Variants in CYP3A4 observed in about 807,000 individuals in gnomAD.
The protein encoded by CYP3A4 is cytochrome P450 family 3 subfamily A member 4.
A neutral mutation model predicts 54.9 loss-of-function variants in CYP3A4; 41 were observed. The ratio of observed to expected loss-of-function variants is 0.75; its 90% CI spans 0.58 to 0.97. CYP3A4 has a LOEUF of 0.97. CYP3A4 is among the 50% of genes least tolerant of loss of function. The pLI is 0.00. For synonymous variants in CYP3A4, 179 were observed against 205.2 expected, an observed-to-expected ratio of 0.87 and a Z score of 1.09; for missense variants, 510 against 597.3, an observed-to-expected ratio of 0.85 and a Z score of 1.52.
intron 12 of CYP3A4, 76 bp downstream of exon 12, chr7:99,760,743 T>C: frequency 6.5e-7 from 1 of 1,537,984 alleles, no homozygotes; most frequent in Non-Finnish European, 8.9e-7. Context: ...AACAAGCATA[T>C]TCTTTTTAAA....
chr7:99,766,350 A>G (rs1202233056), intron 9 of CYP3A4, 27 bp downstream of exon 9: 1 of 1,611,712 alleles, frequency 6.2e-7, no homozygotes, highest in Middle Eastern at 1.7e-4. Flanking sequence ...GTGCCCCACA[A>G]GTAGCCCTCA....
At chr7:99,761,614 TTGTC>T (rs1364086053) in intron 11 of CYP3A4, among the ~76,000 whole-genome samples, 1 of 152,226 alleles carries the variant, frequency 6.6e-6, no homozygotes, top group African/African-American at 2.4e-5. Flanking sequence ...ACTGCTTTCT[TTGTC>T]TATCTGTTCC....
At position 99,779,937 on chromosome 7, in the gene CYP3A4, C is replaced by A. The variant is rs937330886; in HGVS notation, c.165+55G>T. 25 of 1,527,734 alleles carry A rather than the reference C, an allele frequency of 1.6e-5. No homozygotes were observed. In the African/African-American group the frequency reaches 3.3e-4, roughly 20 times the overall value. The allele number at this position is 1,527,734 out of a possible 1,614,324, so 94.6% of individuals were successfully genotyped here. A position where few individuals can be genotyped will look rare whatever the true frequency, so the allele number is the denominator to read the frequency against. ...AGGAGAAGCATTTTTACTGATGGAACTAAGCTGCTCTTGGCAATCATAAGA... is the reference window on the plus strand; with the variant it reads ...AGGAGAAGCATTTTTACTGATGGAAATAAGCTGCTCTTGGCAATCATAAGA... On this transcript the variant is annotated intron_variant, in intron 2 of 12. Transcript: ENST00000651514.
intron 2 of CYP3A4, 116 bp downstream of exon 2, chr7:99,779,876 G>C: frequency 1.0e-6 from 1 of 954,160 alleles, no homozygotes; most frequent in East Asian, 2.7e-5. Flanking sequence ...CCTACACACT[G>C]TTTCTGAAAG....
chr7:99,769,703 C>T (rs1380888392), intron 6 of CYP3A4, 65 bp downstream of exon 6: 1 of 1,599,704 alleles, frequency 6.3e-7, no homozygotes, highest in South Asian at 1.1e-5. Context: ...GGAATATCAG[C>T]TCCATGGCAG....
intron 4 of CYP3A4, among the ~76,000 whole-genome samples, chr7:99,770,906 TATA>T (rs931010752): frequency 6.6e-5 from 10 of 152,304 alleles, no homozygotes; most frequent in Non-Finnish European, 1.0e-4. Flanking sequence ...CCATTTTTTT[TATA>T]ATGAGTACTT....
In CYP3A4 at chr7:99,763,928, A is replaced by C. The variant is rs1815410898; in HGVS notation, c.953T>G (p.Met318Arg). The C allele has an allele frequency of 6.2e-7, 1 of 1,614,050 alleles. No individual in the cohort carries two copies. The highest frequency in any genetic ancestry group is 8.5e-7 in the Non-Finnish European group (1 of 1,179,958). ...ATCAGGGTGAGTGGCCAGTTCATAC[A>C]TAATGAAGGAGAGAACACTGCTCGT... ...ETTSSVLSFI[M>R]YELATHPDVQ... is the part of the protein sequence containing the mutation. Residue 318 changes from methionine (M) to arginine (R), a missense_variant, in exon 10 of 13, where the codon ATG becomes AGG. Physicochemically the swap from Met to Arg is moderately conservative, Grantham distance 91. Transcript: ENST00000651514.
intron 3 of CYP3A4, 48 bp from the exon 4 acceptor site, chr7:99,772,737 C>T: frequency 1.9e-6 from 3 of 1,596,826 alleles, no homozygotes; most frequent in South Asian, 1.1e-5. Flanking sequence ...CCTTATTCTA[C>T]AGCTGGAGCC....
At chr7:99,776,096 C>T (rs1309564618) in intron 3 of CYP3A4, among the ~76,000 whole-genome samples, 1 of 152,158 alleles carries the variant, frequency 6.6e-6, no homozygotes, top group Admixed American at 6.5e-5. Context: ...TGAAAAAATG[C>T]TCATCATCAC....
At chr7:99,781,802 A>G (rs1427829818) in intron 1 of CYP3A4, among the ~76,000 whole-genome samples, 1 of 152,266 alleles carries the variant, frequency 6.6e-6, no homozygotes, top group Non-Finnish European at 1.5e-5. Flanking sequence ...CAAAAGATGT[A>G]GTATTCCACA....
chr7:99,763,153 C>G (rs1419397399), intron 10 of CYP3A4, among the ~76,000 whole-genome samples: 7 of 152,136 alleles, frequency 4.6e-5, no homozygotes, highest in African/African-American at 1.7e-4. Context: ...CACCCAGGGC[C>G]AGGCTCCGTC....
rs779091708 is a variant in CYP3A4, at chr7:99,766,372, GT to G, written c.865+4del. 2.5e-6 allele frequency: 4 copies of G among 1,613,378 alleles called. No individual in the cohort carries two copies. Among genetic ancestry groups the G allele is most frequent in the Non-Finnish European group, 3.4e-6 (4 of 1,179,646 alleles). On this transcript the variant is annotated splice_donor_region_variant and intron_variant, in intron 9 of 12. Transcript: ENST00000651514. ...ACAAGTAGCCCTCAGAAACACTCTG[GT>G]TACCTTTGTGGGACTCAGTTTCTTT...
chr7:99,761,875 T>C (rs1294063367), intron 11 of CYP3A4, among the ~76,000 whole-genome samples, 166 bp downstream of exon 11: 1 of 152,174 alleles, frequency 6.6e-6, no homozygotes, highest in Non-Finnish European at 1.5e-5. Context: ...TAGTCTATGG[T>C]TTGTAAAGTG....
intron 2 of CYP3A4, among the ~76,000 whole-genome samples, chr7:99,779,337 T>C (rs1815855032): frequency 6.6e-6 from 1 of 152,100 alleles, no homozygotes; most frequent in African/African-American, 2.4e-5. Context: ...ACCCATAAGG[T>C]GCAGCCTTTG....
intron 2 of CYP3A4, among the ~76,000 whole-genome samples, chr7:99,779,038 A>C (rs1298265197): frequency 1.3e-5 from 2 of 152,236 alleles, no homozygotes; most frequent in Non-Finnish European, 2.9e-5. Context: ...CCATGTGGAC[A>C]TGGGCTCCTA....
At chr7:99,760,167 G>T (rs1188573974) in intron 12 of CYP3A4, among the ~76,000 whole-genome samples, 1 of 152,158 alleles carries the variant, frequency 6.6e-6, no homozygotes, top group African/African-American at 2.4e-5. Context: ...TAATTGGGTT[G>T]AAAAGGAGCC....
chr7:99,775,915 A>G (rs1168810305), intron 3 of CYP3A4, among the ~76,000 whole-genome samples: 43 of 152,206 alleles, frequency 2.8e-4, no homozygotes. Flanking sequence ...AACCTACAGA[A>G]TGGGAGAAAA....
chr7:99,770,011 G>A, intron 5 of CYP3A4, 111 bp downstream of exon 5: 3 of 1,524,406 alleles, frequency 2.0e-6, no homozygotes, highest in South Asian at 2.3e-5. Flanking sequence ...TTTTTAGGCA[G>A]CTCAAATTCA....
chr7:99,764,498 G>A (rs1815427085), intron 9 of CYP3A4, among the ~76,000 whole-genome samples: 1 of 152,172 alleles, frequency 6.6e-6, no homozygotes, highest in Non-Finnish European at 1.5e-5. Context: ...GACGTTTCCC[G>A]AAGATATGTT....
Sources: gnomAD v4.1 joint callset for allele counts (sites outside exome capture counted in the v4.1 genomes callset) on GRCh38, gnomAD v4.1.1 for gene constraint, MANE v1.5 for transcripts, NCBI Gene and HGNC (gene_info 2026-07-23, HGNC 2026-07-21) for gene names.